PDE11A: variants seen among roughly 807,000 people sequenced by gnomAD.
The protein encoded by PDE11A is dual 3',5'-cyclic-AMP and -GMP phosphodiesterase 11A.
Under a neutral mutation model 100.5 loss-of-function variants are expected in PDE11A, and 100 were observed. That is an observed-to-expected ratio of 1.00 (90% CI 0.85 to 1.18). PDE11A has a LOEUF of 1.18. PDE11A is among the 50% of genes most tolerant of loss of function. PDE11A has a pLI of 0.00. For missense variants in PDE11A, 1,141 were observed against 1,152.6 expected, an observed-to-expected ratio of 0.99 and a Z score of 0.15; for synonymous variants, 381 against 420.8, an observed-to-expected ratio of 0.91 and a Z score of 1.16.
intron 5 of PDE11A, among the ~76,000 whole-genome samples, 190 bp downstream of exon 5, chr2:177,875,669 C>T (rs930966238): frequency 1.3e-5 from 2 of 152,062 alleles, no homozygotes; most frequent in African/African-American, 4.8e-5. Context: ...GCTGAGCCAC[C>T]GCGCCTGGCC....
At chr2:177,960,598 A>G (rs1007768480) in intron 2 of PDE11A, among the ~76,000 whole-genome samples, 1 of 152,114 alleles carries the variant, frequency 6.6e-6, no homozygotes, top group Non-Finnish European at 1.5e-5. Context: ...AACTATATAG[A>G]ATGGAATTTG....
At chr2:177,845,521 G>A (rs1025582248) in intron 5 of PDE11A, among the ~76,000 whole-genome samples, 18 of 151,828 alleles carry the variant, frequency 1.2e-4, no homozygotes, top group Non-Finnish European at 2.4e-4. Flanking sequence ...ATGGCGGCCG[G>A]GCGGAGACGC....
chr2:177,671,630 T>C (rs996212021), intron 17 of PDE11A, among the ~76,000 whole-genome samples: 1 of 152,028 alleles, frequency 6.6e-6, no homozygotes. Flanking sequence ...AAGAATGAGA[T>C]TGCTAGCTTA....
chr2:177,737,973 C>A (rs2081817320), intron 10 of PDE11A, among the ~76,000 whole-genome samples: 1 of 152,122 alleles, frequency 6.6e-6, no homozygotes, highest in Admixed American at 6.6e-5. Flanking sequence ...ACTAGTTTTT[C>A]CCAAACCATG....
intron 4 of PDE11A, among the ~76,000 whole-genome samples, chr2:177,878,640 T>G (rs570301259): frequency 6.6e-6 from 1 of 152,286 alleles, no homozygotes; most frequent in Admixed American, 6.5e-5. Flanking sequence ...TATCCTCATT[T>G]TATTGACAGC....
At chr2:177,779,513 A>G (rs1181331355) in intron 9 of PDE11A, among the ~76,000 whole-genome samples, 1 of 152,200 alleles carries the variant, frequency 6.6e-6, no homozygotes, top group Non-Finnish European at 1.5e-5. Flanking sequence ...AATTTGTGTA[A>G]TATTCTAAAT....
chr2:177,638,727 T>G (rs1471671410), intron 19 of PDE11A, among the ~76,000 whole-genome samples: 2 of 152,228 alleles, frequency 1.3e-5, no homozygotes, highest in African/African-American at 2.4e-5. Flanking sequence ...GCCTTTTTTT[T>G]TGTGGAGGGC....
At chr2:178,107,352 A>C (rs2087631989) in intron 1 of PDE11A, among the ~76,000 whole-genome samples, 1 of 150,762 alleles carries the variant, frequency 6.6e-6, no homozygotes, top group African/African-American at 2.4e-5. Flanking sequence ...ATCATTTGGC[A>C]CTCTATCAGC....
At chr2:177,899,921 G>T in intron 3 of PDE11A, among the ~76,000 whole-genome samples, 1 of 151,348 alleles carries the variant, frequency 6.6e-6, no homozygotes, top group African/African-American at 2.4e-5. Flanking sequence ...TAAAACAGCA[G>T]AATGAAAAGC....
intron 5 of PDE11A, among the ~76,000 whole-genome samples, chr2:177,873,454 A>G (rs1386672799): frequency 6.6e-6 from 1 of 152,214 alleles, no homozygotes; most frequent in African/African-American, 2.4e-5. Context: ...TTAAATATAG[A>G]TGTGAATATA....
intron 6 of PDE11A, among the ~76,000 whole-genome samples, chr2:177,823,212 C>T (rs1010505178): frequency 6.6e-6 from 1 of 152,132 alleles, no homozygotes; most frequent in Non-Finnish European, 1.5e-5. Flanking sequence ...GCACCAGACA[C>T]ATTGCTTAGT....
At chr2:177,966,774 T>G (rs1048178394) in intron 2 of PDE11A, among the ~76,000 whole-genome samples, 2 of 152,192 alleles carry the variant, frequency 1.3e-5, no homozygotes, top group African/African-American at 4.8e-5. Context: ...TTTTGAGAAT[T>G]TTTACATTTA....
intron 7 of PDE11A, among the ~76,000 whole-genome samples, chr2:177,818,428 C>G (rs1057140138): frequency 2.6e-5 from 4 of 151,798 alleles, no homozygotes; most frequent in Admixed American, 2.0e-4. Context: ...TCAACTCCAC[C>G]ATCAGGTGTG....
intron 9 of PDE11A, among the ~76,000 whole-genome samples, chr2:177,814,470 C>T (rs1437830730): frequency 6.6e-6 from 1 of 152,062 alleles, no homozygotes; most frequent in African/African-American, 2.4e-5. Flanking sequence ...TCACTAGTGT[C>T]AAGAATTTCG....
chr2:178,099,122 G>A (rs2087530441), intron 2 of PDE11A, among the ~76,000 whole-genome samples: 1 of 152,122 alleles, frequency 6.6e-6, no homozygotes, highest in Admixed American at 6.5e-5. Flanking sequence ...TCCATTTACT[G>A]ATGTTTTTAA....
At chr2:177,845,070 G>A (rs2083559067) in intron 5 of PDE11A, among the ~76,000 whole-genome samples, 2 of 152,020 alleles carry the variant, frequency 1.3e-5, no homozygotes, top group African/African-American at 4.8e-5. Context: ...TCCCAGACGG[G>A]GTGGTGGCCG....
chr2:177,836,248 G>A (rs1307798289), intron 6 of PDE11A, among the ~76,000 whole-genome samples: 1 of 152,164 alleles, frequency 6.6e-6, no homozygotes, highest in Non-Finnish European at 1.5e-5. Flanking sequence ...AGTGCTCTGG[G>A]TCTAGCTAAT....
chr2:178,069,978 C>T (rs149055655), intron 1 of PDE11A, among the ~76,000 whole-genome samples: 211 of 151,660 alleles, frequency 1.4e-3, no homozygotes, highest in African/African-American at 4.6e-3. Context: ...TTCTTTAGCC[C>T]AAGCATACAA....
At chr2:177,710,315 C>T (rs1478534055) in intron 13 of PDE11A, among the ~76,000 whole-genome samples, 1 of 148,828 alleles carries the variant, frequency 6.7e-6, no homozygotes, top group Non-Finnish European at 1.5e-5. Flanking sequence ...TTGATGGCCT[C>T]AATTTTCTCC....
Sources: gnomAD v4.1 joint callset for allele counts (sites outside exome capture counted in the v4.1 genomes callset) on GRCh38, gnomAD v4.1.1 for gene constraint, MANE v1.5 for transcripts, NCBI Gene and HGNC (gene_info 2026-07-23, HGNC 2026-07-21) for gene names.